IL11RA: variants seen among roughly 807,000 people sequenced by gnomAD.
IL11RA encodes interleukin-11 receptor subunit alpha.
IL11RA carries 51 observed loss-of-function variants against 57.0 expected under a neutral mutation model. That is an observed-to-expected ratio of 0.89 (90% CI 0.71 to 1.13). The LOEUF is 1.13. IL11RA is among the 50% of genes most tolerant of loss of function. The probability of loss-of-function intolerance (pLI) is 0.00; values close to 1 mark genes in which losing one functional copy is unlikely to be tolerated. For missense variants in IL11RA, 498 were observed against 539.4 expected (o/e 0.92, Z 0.76); for synonymous variants, 199 against 217.5 (o/e 0.91, Z 0.75).
In IL11RA at chr9:34,658,767, G is replaced by A; in HGVS notation, c.810+84G>A. 1.3e-6 allele frequency: 2 copies of A among 1,484,428 alleles called. No homozygotes were observed. The highest frequency in any genetic ancestry group is 9.3e-7 in the Non-Finnish European group (1 of 1,077,058). The allele number at this position is 1,484,428 out of a possible 1,614,324, so 92.0% of individuals were successfully genotyped here. ...CCTGGGTGTTCTGTATAGCTTTCCA[G>A]TGCTGGCAGGTCACTGAAGACCCAA... On this transcript the variant is annotated intron_variant, in intron 8 of 12. Transcript: ENST00000441545. The surrounding 1 kb of genome is among the most constrained non-coding windows in gnomAD (Gnocchi z 4.0).
At chr9:34,657,637 A>G (rs746532677) in intron 7 of IL11RA, 50 bp downstream of exon 7, 2 of 1,562,164 alleles carry the variant, frequency 1.3e-6, no homozygotes, top group African/African-American at 1.4e-5. Context: ...AGAGACCCCA[A>G]ATGGACTCAG....
In IL11RA at chr9:34,661,494, T is replaced by C. The variant is rs201132053; in HGVS notation, c.1265T>C (p.Leu422Pro). The part of the protein sequence containing the change: ...PVDRRPGAPN[L>P] ...CTGCTTCTTCTAGGAGCTCCAAACC[T>C]GTAGAGGACCCAGGAGGGCTTCGGC... Residue 422 changes from leucine to proline, a missense_variant, in exon 13 of 13, where the codon CTG (leucine) becomes CCG (proline). Coordinates refer to ENST00000441545, the MANE Select transcript of IL11RA (RefSeq NM_001142784.3). 2.5e-6 allele frequency: 4 copies of C among 1,613,844 alleles called. No homozygotes were observed. The highest frequency in any genetic ancestry group is 2.2e-5 in the East Asian group (1 of 44,876).
chr9:34,659,476 T>C (rs1041385293), intron 8 of IL11RA, among the ~76,000 whole-genome samples: 3 of 152,186 alleles, frequency 2.0e-5, no homozygotes, highest in Non-Finnish European at 4.4e-5. Flanking sequence ...ATTTTACAAA[T>C]GAAGAAACTG....
At chr9:34,654,926 G>A (rs1821313335) in intron 1 of IL11RA, 1 of 381,368 alleles carries the variant, frequency 2.6e-6, no homozygotes, top group Non-Finnish European at 4.9e-6. Flanking sequence ...ACAGTCTGTT[G>A]CCTCCGGCTT....
Position 34,661,346 on chromosome 9 carries a change from G to C in IL11RA, c.1253-136G>C, listed in dbSNP as rs975146491. 4.3e-6 allele frequency: 4 copies of C among 930,012 alleles called. No individual in the cohort carries two copies. The African/African-American group carries it at 6.5e-5, about 15-fold the overall frequency. The allele number at this position is 930,012 out of a possible 1,614,324, so 57.6% of individuals were successfully genotyped here. A position where few individuals can be genotyped will look rare whatever the true frequency, so the allele number is the denominator to read the frequency against. On this transcript the variant is annotated intron_variant, in intron 12 of 12. Coordinates refer to ENST00000441545, the MANE Select transcript of IL11RA (RefSeq NM_001142784.3). ...CCCGTATCTTCAGTGTGTTGAAGAG[G>C]CTCCCTCAGAGCTGGGCTCCTCTAC...
At chr9:34,656,025 G>A in intron 3 of IL11RA, 1 of 332,800 alleles carries the variant, frequency 3.0e-6, no homozygotes, top group South Asian at 2.7e-5. Flanking sequence ...GAGGACAACT[G>A]AGTGGTTACT....
At chr9:34,655,114 G>A in intron 1 of IL11RA, 104 bp from the exon 2 acceptor site, 1 of 786,200 alleles carries the variant, frequency 1.3e-6, no homozygotes, top group Admixed American at 2.0e-5. Context: ...CCCACTTGGT[G>A]CATCAATTTT....
At position 34,661,476 on chromosome 9, in the gene IL11RA, T is replaced by A. The variant is rs372346086; in HGVS notation, c.1253-6T>A. The A allele has an allele frequency of 1.2e-6, 2 of 1,613,610 alleles. No individual in the cohort carries two copies. The highest frequency in any genetic ancestry group is 2.7e-5 in the African/African-American group (2 of 74,932). On this transcript the variant is annotated splice_polypyrimidine_tract_variant and splice_region_variant and intron_variant, in intron 12 of 12. Coordinates refer to ENST00000441545, the MANE Select transcript of IL11RA (RefSeq NM_001142784.3). ...TCTCTCCTGATTTGCCTCCTGCTTC[T>A]TCTAGGAGCTCCAAACCTGTAGAGG...
rs201354346 is a variant in IL11RA at position 34,657,372 on chromosome 9, G to T, written c.479+37G>T. 9.3e-6 allele frequency: 15 copies of T among 1,614,010 alleles called. No homozygotes were observed. In the East Asian group the frequency reaches 3.3e-4, roughly 36 times the overall value. ...GGGAGCATGTGGGGGCTCCAGCTGGGTCCCACAGTAGGCATTTTCAAAGCC... is the reference window on the plus strand; with the variant it reads ...GGGAGCATGTGGGGGCTCCAGCTGGTTCCCACAGTAGGCATTTTCAAAGCC... On this transcript the variant is annotated intron_variant, in intron 6 of 12. Coordinates refer to ENST00000441545, the MANE Select transcript of IL11RA (RefSeq NM_001142784.3).
intron 1 of IL11RA, chr9:34,655,014 T>TGC: frequency 5.2e-6 from 3 of 573,076 alleles, no homozygotes; most frequent in Non-Finnish European, 9.7e-6. Flanking sequence ...TGTGTGTGTG[T>TGC]GTGCGCGCGC....
intron 1 of IL11RA, chr9:34,654,995 GT>G: frequency 6.4e-6 from 1 of 155,948 alleles, no homozygotes; most frequent in Non-Finnish European, 1.2e-5. Context: ...GTGTGTGTCC[GT>G]GTGTGTGTGT....
Position 34,660,327 on chromosome 9 carries a change from G to T in IL11RA, c.1006G>T (p.Val336Leu). The T allele has an allele frequency of 6.2e-7, 1 of 1,614,244 alleles. No homozygotes were observed. Among genetic ancestry groups the T allele is most frequent in the Non-Finnish European group, 8.5e-7 (1 of 1,180,026 alleles). The change falls in exon 10 of 13, where the codon GTG becomes TTG. Residue 336 changes from valine to leucine, a missense_variant. Transcript: ENST00000441545. ...GGGCCAGCTACACACGCAGCCAGAG[G>T]TGGAGCCTCAGGTGGACAGCCCTGC... is the stretch of plus-strand genomic sequence containing the variant. The part of the protein sequence containing the change: ...AWGQLHTQPE[V>L]EPQVDSPAPP...
At position 34,658,871 on chromosome 9, in the gene IL11RA, G is replaced by T. The variant is rs564427165; in HGVS notation, c.810+188G>T. Among the ~76,000 whole-genome samples, 3 of 152,276 alleles carry T rather than the reference G, an allele frequency of 2.0e-5. No homozygotes were observed. Among genetic ancestry groups the T allele is most frequent in the African/African-American group, 7.2e-5 (3 of 41,556 alleles). ...AGAGACTGAATGTCTGTCCTGTGGG[G>T]CTATAACTATGAGGTAAAGCACATC... On this transcript the variant is annotated intron_variant, in intron 8 of 12. Transcript: ENST00000441545. The surrounding 1 kb of genome is among the most constrained non-coding windows in gnomAD (Gnocchi z 4.0).
At chr9:34,660,157 A>C in intron 9 of IL11RA, 117 bp from the exon 10 acceptor site, 1 of 1,488,424 alleles carries the variant, frequency 6.7e-7, no homozygotes, top group Non-Finnish European at 9.4e-7. Flanking sequence ...GCCATGCCCT[A>C]TCAGGCTCCT....
rs1254919780 is a variant in IL11RA at position 34,653,395 on chromosome 9, G to A, written c.-1+1162G>A. ...TCCTGGTGCTGGGGCCCAAAGAATG[G>A]AGGGGGAGGTGAGAAATGGCTGGAA... On this transcript the variant is annotated intron_variant, in intron 1 of 12. Transcript: ENST00000441545. This position sits in a 1 kb window ranked among gnomAD's most constrained non-coding sequence, Gnocchi z 4.5. 6.6e-6 allele frequency among the ~76,000 whole-genome samples: 1 copy of A among 152,176 alleles called. No individual in the cohort carries two copies. Among genetic ancestry groups the A allele is most frequent in the South Asian group, 2.1e-4 (1 of 4,828 alleles).
In IL11RA at chr9:34,658,165, C is replaced by G. The variant is rs1821383030; in HGVS notation, c.647-355C>G. Among the ~76,000 whole-genome samples, 1 of 152,140 alleles carries G rather than the reference C, an allele frequency of 6.6e-6. No individual in the cohort carries two copies. Among genetic ancestry groups the G allele is most frequent in the Admixed American group, 6.5e-5 (1 of 15,270 alleles). On this transcript the variant is annotated intron_variant, in intron 7 of 12. Transcript: ENST00000441545. The surrounding 1 kb of genome is among the most constrained non-coding windows in gnomAD (Gnocchi z 4.0). ...AAGCTATCCCCTCACCTCAGCCTCCCAAGTAGCTGGGATTACAGGCATGTG... is the reference window on the plus strand; with the variant it reads ...AAGCTATCCCCTCACCTCAGCCTCCGAAGTAGCTGGGATTACAGGCATGTG...
Position 34,658,807 on chromosome 9 carries a change from C to A in IL11RA, c.810+124C>A. The A allele has an allele frequency of 9.2e-7, 1 of 1,092,146 alleles. No homozygotes were observed. Among genetic ancestry groups the A allele is most frequent in the Non-Finnish European group, 1.4e-6 (1 of 735,580 alleles). The allele number at this position is 1,092,146 out of a possible 1,614,324, so 67.7% of individuals were successfully genotyped here. On this transcript the variant is annotated intron_variant, in intron 8 of 12. Transcript: ENST00000441545. This position sits in a 1 kb window ranked among gnomAD's most constrained non-coding sequence, Gnocchi z 4.0. The stretch of plus-strand genomic sequence containing the variant: ...TGAAGACCCAACACTTCCCTGTGGG[C>A]CAGGCTTTGTACTGGGTGCTGGGTT...
Position 34,656,844 on chromosome 9 carries a change from G to C in IL11RA, c.267G>C (p.Glu89Asp). Residue 89 changes from glutamate (E) to aspartate (D), a missense_variant, in exon 4 of 13, where the codon GAG becomes GAC. Glu to Asp is a conservative substitution (Grantham distance 45, BLOSUM62 2). Coordinates refer to ENST00000441545, the MANE Select transcript of IL11RA (RefSeq NM_001142784.3). Reference sequence around the variant, plus strand: ...TGGCCCAGGCAGACAGCACTGATGAGGGCACCTACATCTGCCAGACCCTGG... The same window carrying C: ...TGGCCCAGGCAGACAGCACTGATGACGGCACCTACATCTGCCAGACCCTGG... ...LVLAQADSTD[E>D]GTYICQTLDG... The C allele has an allele frequency of 6.2e-7, 1 of 1,614,148 alleles. No individual in the cohort carries two copies. The highest frequency in any genetic ancestry group is 8.5e-7 in the Non-Finnish European group (1 of 1,180,016).
intron 9 of IL11RA, 143 bp from the exon 10 acceptor site, chr9:34,660,131 T>C: frequency 7.6e-7 from 1 of 1,321,324 alleles, no homozygotes; most frequent in South Asian, 1.2e-5. Context: ...GAGCTTGCCA[T>C]GCTCCCTAGG....
Sources: allele counts gnomAD v4.1 joint callset (sites outside exome capture counted in the v4.1 genomes callset), GRCh38; gene constraint gnomAD v4.1.1; non-coding constraint Gnocchi (gnomAD v3.1); transcripts MANE v1.5; gene names NCBI Gene and HGNC (gene_info 2026-07-23, HGNC 2026-07-21).